The following UTRN variants were observed in gnomAD, a reference collection of about 807,000 sequenced individuals.
The protein encoded by UTRN is utrophin.
Under a neutral mutation model 463.9 loss-of-function variants are expected in UTRN, and 283 were observed. That is an observed-to-expected ratio of 0.61 (90% confidence interval 0.55 to 0.67). UTRN has a LOEUF of 0.67. UTRN is among the 30% of genes least tolerant of loss of function. UTRN has a pLI of 0.00. For synonymous variants in UTRN, 1,442 were observed against 1,431.5 expected (o/e 1.01, Z -0.17); for missense variants, 3,922 against 4,084.3 (o/e 0.96, Z 1.08).
At chr6:144,676,440 CTT>C (rs1435678661) in intron 51 of UTRN, among the ~76,000 whole-genome samples, 2 of 151,942 alleles carry the variant, frequency 1.3e-5, no homozygotes, top group East Asian at 3.9e-4. Flanking sequence ...CCTCTCCCCT[CTT>C]TCTCTGTTTT....
At chr6:144,302,372 G>A (rs1439912131) in intron 2 of UTRN, among the ~76,000 whole-genome samples, 9 of 152,202 alleles carry the variant, frequency 5.9e-5, no homozygotes, top group Middle Eastern at 3.4e-3. Flanking sequence ...TCAGCCAGGC[G>A]TGGTGGCACT....
intron 53 of UTRN, among the ~76,000 whole-genome samples, chr6:144,724,610 C>T (rs1787646961): frequency 6.6e-6 from 1 of 152,058 alleles, no homozygotes; most frequent in South Asian, 2.1e-4. Flanking sequence ...AGTTCCCCAG[C>T]CTTAAGCAAC....
intron 51 of UTRN, among the ~76,000 whole-genome samples, chr6:144,641,612 C>T (rs563669411): frequency 7.2e-5 from 11 of 152,094 alleles, no homozygotes; most frequent in African/African-American, 2.2e-4. Flanking sequence ...GTTAGGGGGG[C>T]ATGTAGAGTT....
intron 54 of UTRN, among the ~76,000 whole-genome samples, chr6:144,740,066 C>G (rs531919673): frequency 1.1e-4 from 17 of 152,292 alleles, no homozygotes; most frequent in African/African-American, 4.1e-4. Context: ...AGGGTGAATA[C>G]TTACCACCCA....
chr6:144,620,882 A>G (rs1282273021), intron 51 of UTRN, among the ~76,000 whole-genome samples: 1 of 152,230 alleles, frequency 6.6e-6, no homozygotes, highest in African/African-American at 2.4e-5. Flanking sequence ...GCCTGAAGAT[A>G]TCTGGGATTC....
At chr6:144,383,081 G>T (rs1202348430) in intron 2 of UTRN, among the ~76,000 whole-genome samples, 4 of 138,566 alleles carry the variant, frequency 2.9e-5, no homozygotes, top group African/African-American at 5.2e-5. Context: ...ACAGGCATAT[G>T]CCACCACACC....
intron 53 of UTRN, among the ~76,000 whole-genome samples, chr6:144,710,300 G>A (rs1785542588): frequency 6.6e-6 from 1 of 152,130 alleles, no homozygotes; most frequent in Non-Finnish European, 1.5e-5. Context: ...CATTCTACAG[G>A]CCAGAAACAA....
intron 46 of UTRN, among the ~76,000 whole-genome samples, chr6:144,545,044 AT>A (rs1035235088): frequency 2.0e-5 from 3 of 151,434 alleles, no homozygotes; most frequent in Non-Finnish European, 2.9e-5. Flanking sequence ...AACTGTAGAC[AT>A]TTTTTTTTAG....
chr6:144,464,346 G>A (rs1789719405), intron 23 of UTRN, among the ~76,000 whole-genome samples: 1 of 151,988 alleles, frequency 6.6e-6, no homozygotes, highest in South Asian at 2.1e-4. Context: ...ACAGATGGAG[G>A]GGTTGTGTGT....
In UTRN at chr6:144,835,928, G is replaced by A. The variant is rs1278868805; in HGVS notation, c.9814G>A (p.Glu3272Lys). 2 of 1,613,900 alleles carry A rather than the reference G, an allele frequency of 1.2e-6. No individual in the cohort carries two copies. Among genetic ancestry groups the A allele is most frequent in the African/African-American group, 2.7e-5 (2 of 74,928 alleles). The change falls in exon 70 of 75, where the codon GAA (glutamate) becomes AAA (lysine). Residue 3272 changes from glutamate to lysine, a missense_variant. Physicochemically the swap from Glu to Lys is moderately conservative, Grantham distance 56. This residue lies in a region of UTRN where 1,309 missense variants were observed against 1,452.6 expected (regional missense o/e 0.90). Coordinates refer to ENST00000367545, the MANE Select transcript of UTRN (RefSeq NM_007124.3). ...ELERIIADLEEEQRNLQVEYE... is the reference protein window; with the variant it reads ...ELERIIADLEKEQRNLQVEYE... The stretch of plus-strand genomic sequence containing the variant: ...GGAGAGGATCATTGCTGACCTGGAG[G>A]AAGAACAAAGGTGTGCTAGGCCTGG...
At chr6:144,599,570 G>A (rs1317160441) in intron 51 of UTRN, among the ~76,000 whole-genome samples, 1 of 152,020 alleles carries the variant, frequency 6.6e-6, no homozygotes, top group Non-Finnish European at 1.5e-5. Flanking sequence ...TGCATATACA[G>A]CAAATCACTT....
Position 144,778,245 on chromosome 6 carries a change from A to G in UTRN, c.8633-3677A>G, listed in dbSNP as rs11966829. 3.1e-3 allele frequency among the ~76,000 whole-genome samples: 477 copies of G among 152,282 alleles called. 2 individuals carry two copies. Among genetic ancestry groups the G allele is most frequent in the African/African-American group, 0.011 (449 of 41,572 alleles). On this transcript the variant is annotated intron_variant, in intron 60 of 74. Transcript: ENST00000367545. ...CTGGATTTTTAAGGCTGCCTGAGGAAGAACTGATGACTCGGGGTATTGGGT... is the reference window on the plus strand; with the variant it reads ...CTGGATTTTTAAGGCTGCCTGAGGAGGAACTGATGACTCGGGGTATTGGGT...
Position 144,834,847 on chromosome 6 carries a change from C to G in UTRN, c.9666-933C>G, listed in dbSNP as rs188681457. 7.2e-4 allele frequency among the ~76,000 whole-genome samples: 109 copies of G among 152,310 alleles called. 1 individual carries two copies. Among genetic ancestry groups the G allele is most frequent in the East Asian group, 1.9e-3 (10 of 5,176 alleles). ...ATAGCCCCATTTGACACTCTGATAGCTACATAACTGACATGAGGTTTTCCT... is the reference window on the plus strand; with the variant it reads ...ATAGCCCCATTTGACACTCTGATAGGTACATAACTGACATGAGGTTTTCCT... On this transcript the variant is annotated intron_variant, in intron 69 of 74. Transcript: ENST00000367545.
chr6:144,850,917 A>G, intron 74 of UTRN, 72 bp from the exon 75 acceptor site: 1 of 1,594,844 alleles, frequency 6.3e-7, no homozygotes, highest in Non-Finnish European at 8.6e-7. Flanking sequence ...ATTTTCTTGA[A>G]GAATTGACAG....
chr6:144,453,893 CT>C (rs1194814924), intron 19 of UTRN, 24 bp downstream of exon 19: 1 of 1,598,122 alleles, frequency 6.3e-7, no homozygotes, highest in African/African-American at 1.3e-5. Context: ...TTTTTTTCCC[CT>C]ATATTTTTCA....
At chr6:144,478,420 C>G (rs1021889871) in intron 25 of UTRN, among the ~76,000 whole-genome samples, 1 of 152,108 alleles carries the variant, frequency 6.6e-6, no homozygotes, top group African/African-American at 2.4e-5. Flanking sequence ...ATCTCTGTCT[C>G]TCTCTTTCTC....
At chr6:144,649,081 G>A (rs1778550904) in intron 51 of UTRN, among the ~76,000 whole-genome samples, 1 of 152,116 alleles carries the variant, frequency 6.6e-6, no homozygotes, top group Non-Finnish European at 1.5e-5. Context: ...GATTTGGATA[G>A]GGAATTGTTG....
chr6:144,537,180 A>G (rs143963295), intron 43 of UTRN, among the ~76,000 whole-genome samples: 25 of 152,232 alleles, frequency 1.6e-4, no homozygotes, highest in African/African-American at 6.0e-4. Context: ...TCCTTTCAAT[A>G]TTCGTGAAAC....
intron 74 of UTRN, among the ~76,000 whole-genome samples, chr6:144,847,362 T>G (rs1028234739): frequency 6.6e-6 from 1 of 152,234 alleles, no homozygotes; most frequent in Non-Finnish European, 1.5e-5. Flanking sequence ...AAAAGAGAGA[T>G]AAATTTCATT....
Sources: gnomAD v4.1 joint callset for allele counts (sites outside exome capture counted in the v4.1 genomes callset) on GRCh38, gnomAD v4.1.1 for gene constraint, gnomAD v4.1.1 regional missense constraint, MANE v1.5 for transcripts, NCBI Gene and HGNC (gene_info 2026-07-23, HGNC 2026-07-21) for gene names.